Variants in SRCIN1 observed in about 807,000 individuals in gnomAD.
SRCIN1 encodes SRC kinase signaling inhibitor 1.
Under a neutral mutation model 116.2 loss-of-function variants are expected in SRCIN1, and 50 were observed. The ratio of observed to expected loss-of-function variants is 0.43; its 90% confidence interval spans 0.34 to 0.54. The LOEUF (loss-of-function observed/expected upper bound fraction) is 0.54. SRCIN1 is among the 20% of genes least tolerant of loss of function. SRCIN1 has a pLI of 0.02. For synonymous variants in SRCIN1, 736 were observed against 750.0 expected (o/e 0.98, Z 0.30); for missense variants, 1,446 against 1,672.0 (o/e 0.86, Z 2.36).
chr17:38,558,754 G>A lies in SRCIN1; in HGVS notation c.2026-352C>T, dbSNP rs749140536. On this transcript the variant is annotated intron_variant, in intron 10 of 18. Coordinates refer to ENST00000617146, the MANE Select transcript of SRCIN1 (RefSeq NM_025248.3). This position sits in a 1 kb window ranked among gnomAD's most constrained non-coding sequence, Gnocchi z 4.6. ...TGCAGGGGGAGGAGGGCAAGGTTAA[G>A]TTCTGGGGAATATGAGGCAGGAGAA... is the stretch of plus-strand genomic sequence containing the variant. Among the ~76,000 whole-genome samples, 13 of 152,172 alleles carry A rather than the reference G, an allele frequency of 8.5e-5. No homozygotes were observed. The highest frequency in any genetic ancestry group is 1.8e-4 in the Non-Finnish European group (12 of 68,028).
At chr17:38,606,721 C>A (rs1909386064), upstream of SRCIN1, among the ~76,000 whole-genome samples, 10 of 152,320 alleles carry the variant, frequency 6.6e-5, no homozygotes, top group South Asian at 1.9e-3. This position sits in a 1 kb window ranked among gnomAD's most constrained non-coding sequence, Gnocchi z 5.2. Flanking sequence ...CTCCACCCTG[C>A]CGTCCCCCGC....
At chr17:38,566,532 G>A (rs950578367) in intron 3 of SRCIN1, among the ~76,000 whole-genome samples, 1 of 152,214 alleles carries the variant, frequency 6.6e-6, no homozygotes. Flanking sequence ...ATGGGAGGTA[G>A]AGAGCGCCTA....
chr17:38,597,396 C>T (rs922692304), intron 1 of SRCIN1, among the ~76,000 whole-genome samples: 1 of 152,188 alleles, frequency 6.6e-6, no homozygotes, highest in African/African-American at 2.4e-5. Context: ...TTATGTATGC[C>T]CTTTTCTCAG....
chr17:38,606,060 C>T (rs1164578159), upstream of SRCIN1: 19 of 111,892 alleles, frequency 1.7e-4, no homozygotes, highest in African/African-American at 6.4e-4. This position sits in a 1 kb window ranked among gnomAD's most constrained non-coding sequence, Gnocchi z 5.2. Flanking sequence ...GCGGCGGGGG[C>T]GGGGGAGGGG....
rs755701095 is a variant in SRCIN1 at position 38,550,387 on chromosome 17, G to A, written c.2962+768C>T. Reference sequence around the variant, plus strand: ...CAGGCGCCTGTAGTCCCAGCTACTCGGGAGGCTGAGGCAGGAGAATGGCGA... The same window carrying A: ...CAGGCGCCTGTAGTCCCAGCTACTCAGGAGGCTGAGGCAGGAGAATGGCGA... On this transcript the variant is annotated intron_variant, in intron 15 of 18. Coordinates refer to ENST00000617146, the MANE Select transcript of SRCIN1 (RefSeq NM_025248.3). Among the ~76,000 whole-genome samples the A allele has an allele frequency of 4.6e-5, 7 of 152,194 alleles. No individual in the cohort carries two copies. In the East Asian group the frequency reaches 5.8e-4, roughly 13 times the overall value.
intron 1 of SRCIN1, among the ~76,000 whole-genome samples, chr17:38,593,784 C>T (rs1030731145): frequency 2.0e-5 from 3 of 152,188 alleles, no homozygotes; most frequent in Non-Finnish European, 4.4e-5. Context: ...GCACAGGTCT[C>T]TTCTAACCAA....
In SRCIN1 at chr17:38,558,530, T is replaced by G; in HGVS notation, c.2026-128A>C. Reference sequence around the variant, plus strand: ...GGGCTCTGCAGAAGAAGCGGCTGCTTGGCTCCGCCTCAGGCAGCAGCGAAG... The same window carrying G: ...GGGCTCTGCAGAAGAAGCGGCTGCTGGGCTCCGCCTCAGGCAGCAGCGAAG... On this transcript the variant is annotated intron_variant, in intron 10 of 18. Transcript: ENST00000617146. The surrounding 1 kb of genome is among the most constrained non-coding windows in gnomAD (Gnocchi z 4.6). 1 of 1,002,098 alleles carries G rather than the reference T, an allele frequency of 1.0e-6. No individual in the cohort carries two copies. Among genetic ancestry groups the G allele is most frequent in the Non-Finnish European group, 1.4e-6 (1 of 730,786 alleles). 62.1% of individuals were successfully genotyped at this position (1,002,098 alleles called of 1,614,324 possible).
chr17:38,559,695 C>T lies in SRCIN1; in HGVS notation c.1915G>A (p.Ala639Thr). The stretch of plus-strand genomic sequence containing the variant: ...CGGCTAACGGCGGTAGGCTGACCTG[C>T]GGGGGTGCTGCTGGCCGAGGGCGGG... ...PPPPSASSTPAGQPTAVSRLQ... is the reference protein window; with the variant it reads ...PPPPSASSTPTGQPTAVSRLQ... The change falls in exon 10 of 19, where the codon GCA (alanine) becomes ACA (threonine). Residue 639 changes from alanine (A) to threonine (T), a missense_variant. Physicochemically the swap from Ala to Thr is moderately conservative, Grantham distance 58. This residue lies in a region of SRCIN1 where 398 missense variants were observed against 385.6 expected (regional missense o/e 1.03). Coordinates refer to ENST00000617146, the MANE Select transcript of SRCIN1 (RefSeq NM_025248.3). The T allele has an allele frequency of 2.0e-6, 3 of 1,508,534 alleles. No homozygotes were observed. The highest frequency in any genetic ancestry group is 8.9e-7 in the Non-Finnish European group (1 of 1,124,818). The allele number at this position is 1,508,534 out of a possible 1,614,324, so 93.4% of individuals were successfully genotyped here.
At chr17:38,578,934 C>CTG in intron 1 of SRCIN1, 143 bp from the exon 2 acceptor site, 1 of 971,268 alleles carries the variant, frequency 1.0e-6, no homozygotes, top group Admixed American at 3.1e-5. Context: ...AGGGGCTGCC[C>CTG]AGCACCCCAC....
rs145952446 is a variant in SRCIN1, at chr17:38,594,000, T to G, written c.22+11684A>C. Among the ~76,000 whole-genome samples the G allele has an allele frequency of 2.6e-5, 4 of 152,340 alleles. No homozygotes were observed. In the East Asian group the frequency reaches 5.8e-4, roughly 22 times the overall value. On this transcript the variant is annotated intron_variant, in intron 1 of 18. Transcript: ENST00000617146. ...TTACGGAGGCAGAAAGTAAGTCTTG[T>G]AAGGTACTGAGCTCCCCATCACTGG...
intron 18 of SRCIN1, among the ~76,000 whole-genome samples, chr17:38,534,874 T>G (rs1474285673): frequency 6.6e-6 from 1 of 152,124 alleles, no homozygotes; most frequent in Non-Finnish European, 1.5e-5. Flanking sequence ...ACACCTGTAA[T>G]CCCAGCACTT....
chr17:38,557,306 T>G (rs777787236), intron 11 of SRCIN1, among the ~76,000 whole-genome samples: 2 of 152,188 alleles, frequency 1.3e-5, no homozygotes, highest in Non-Finnish European at 2.9e-5. Context: ...CCAGTACAAC[T>G]CAACCCCTTG....
chr17:38,551,480 AG>A (rs745359272), intron 14 of SRCIN1, 91 bp from the exon 15 acceptor site: 1 of 1,133,094 alleles, frequency 8.8e-7, no homozygotes, highest in Non-Finnish European at 1.2e-6. Flanking sequence ...CACGTAGGCA[AG>A]GAATAGAAAA....
In SRCIN1 at chr17:38,575,901, G is replaced by A. The variant is rs938328774; in HGVS notation, c.324+2589C>T. Among the ~76,000 whole-genome samples, 4 of 152,242 alleles carry A rather than the reference G, an allele frequency of 2.6e-5. No individual in the cohort carries two copies. In the East Asian group the frequency reaches 5.8e-4, roughly 22 times the overall value. ...CTCATTCATTCCACAAACACTGCCT[G>A]AGCTGGCACCGTGCTTAAGCACCGA... On this transcript the variant is annotated intron_variant, in intron 2 of 18. Transcript: ENST00000617146.
intron 1 of SRCIN1, among the ~76,000 whole-genome samples, chr17:38,588,187 C>G (rs1275251197): frequency 6.6e-6 from 1 of 152,232 alleles, no homozygotes; most frequent in Non-Finnish European, 1.5e-5. Context: ...CCCCGGAGCC[C>G]GATTTCCTTC....
chr17:38,603,895 C>T (rs570051408), intron 1 of SRCIN1, among the ~76,000 whole-genome samples: 166 of 152,256 alleles, frequency 1.1e-3, no homozygotes, highest in Non-Finnish European at 1.7e-3. Context: ...ATGTTCCTTC[C>T]CATGTCCCTG....
intron 2 of SRCIN1, among the ~76,000 whole-genome samples, chr17:38,577,775 G>A (rs1907505140): frequency 1.3e-5 from 2 of 152,196 alleles, no homozygotes; most frequent in African/African-American, 4.8e-5. Flanking sequence ...GGACCCCGAG[G>A]TTCTGGGGGA....
At position 38,604,706 on chromosome 17, in the gene SRCIN1, C is replaced by G; in HGVS notation, c.22+978G>C. The stretch of plus-strand genomic sequence containing the variant: ...ACCCGGCCTGTCCCCTCTGCTTCCA[C>G]CAGCATCCTGCTGCCCCCACCGACA... On this transcript the variant is annotated intron_variant, in intron 1 of 18. Transcript: ENST00000617146. The surrounding 1 kb of genome is among the most constrained non-coding windows in gnomAD (Gnocchi z 4.3). 2 of 321,406 alleles carry G rather than the reference C, an allele frequency of 6.2e-6. No individual in the cohort carries two copies. The highest frequency in any genetic ancestry group is 1.2e-5 in the Non-Finnish European group (2 of 163,292). 19.9% of individuals were successfully genotyped at this position (321,406 alleles called of 1,614,324 possible).
chr17:38,549,049 G>A lies in SRCIN1; in HGVS notation c.3117+7C>T. 6.2e-7 allele frequency: 1 copy of A among 1,613,294 alleles called. No individual in the cohort carries two copies. The highest frequency in any genetic ancestry group is 8.5e-7 in the Non-Finnish European group (1 of 1,179,662). Reference sequence around the variant, plus strand: ...CCCTGGCCCTCTGTCTGAGGTGGGAGTGGTACCTTGATGAAGGCCGAGTCC... The same window carrying A: ...CCCTGGCCCTCTGTCTGAGGTGGGAATGGTACCTTGATGAAGGCCGAGTCC... On this transcript the variant is annotated splice_region_variant and intron_variant, in intron 16 of 18. Transcript: ENST00000617146.
Sources: allele counts gnomAD v4.1 joint callset (sites outside exome capture counted in the v4.1 genomes callset), GRCh38; gene constraint gnomAD v4.1.1; regional missense constraint gnomAD v4.1.1; non-coding constraint Gnocchi (gnomAD v3.1); transcripts MANE v1.5; gene names NCBI Gene and HGNC (gene_info 2026-07-23, HGNC 2026-07-21).